PLA2G10: variants seen among roughly 807,000 people sequenced by gnomAD.
PLA2G10 encodes the protein group 10 secretory phospholipase A2.
A neutral mutation model predicts 7.9 loss-of-function variants in PLA2G10; 9 were observed. The observed-to-expected ratio is 1.14, with a 90% confidence interval of 0.68 to 1.98. The LOEUF (loss-of-function observed/expected upper bound fraction) is 1.98. PLA2G10 is among the 30% of genes most tolerant of loss of function. The pLI, the probability that PLA2G10 is intolerant of heterozygous loss-of-function variation, is 0.00. For missense variants in PLA2G10, 53 were observed against 65.4 expected, an observed-to-expected ratio of 0.81 and a Z score of 0.66; for synonymous variants, 19 against 27.5, an observed-to-expected ratio of 0.69 and a Z score of 0.97.
At chr16:14,677,714 C>CATGGATGG (rs533254370) in intron 3 of PLA2G10, among the ~76,000 whole-genome samples, 26 of 151,820 alleles carry the variant, frequency 1.7e-4, no homozygotes, top group Non-Finnish European at 2.6e-4. Context: ...AGGCACTCCC[C>CATGGATGG]ATGGATGGAT....
intron 3 of PLA2G10, among the ~76,000 whole-genome samples, chr16:14,687,875 T>C (rs983333258): frequency 6.6e-6 from 1 of 151,694 alleles, no homozygotes; most frequent in African/African-American, 2.4e-5. Flanking sequence ...GGTGCATGCC[T>C]GTAGTCCCAG....
chr16:14,672,596 A>G lies in PLA2G10; in HGVS notation c.*11T>C, dbSNP rs747354625. 2 of 1,613,374 alleles carry G rather than the reference A, an allele frequency of 1.2e-6. No homozygotes were observed. The highest frequency in any genetic ancestry group is 2.2e-5 in the East Asian group (1 of 44,892). ...TTTCCTTGTGCAAAAGAGCATTTCA[A>G]GTCAAGGTAGTCAGTCACACTTGGG... On this transcript the variant is annotated 3_prime_UTR_variant, in exon 4 of 4. Transcript: ENST00000438167.
chr16:14,685,365 C>T (rs1961023805), intron 3 of PLA2G10, among the ~76,000 whole-genome samples: 1 of 142,032 alleles, frequency 7.0e-6, no homozygotes, highest in East Asian at 2.0e-4. Context: ...GGTGAGATTT[C>T]GTGTCAAAAA....
chr16:14,679,248 C>T (rs1960813563), intron 3 of PLA2G10, among the ~76,000 whole-genome samples: 1 of 151,980 alleles, frequency 6.6e-6, no homozygotes, highest in African/African-American at 2.4e-5. Context: ...CTGTTATCAC[C>T]CCAGGCTGAG....
chr16:14,673,570 A>G (rs1960648519), intron 3 of PLA2G10, among the ~76,000 whole-genome samples: 1 of 150,918 alleles, frequency 6.6e-6, no homozygotes, highest in African/African-American at 2.4e-5. Context: ...GGGTTTTGCC[A>G]TATTGCCAGG....
At chr16:14,683,008 G>A (rs1960935268) in intron 3 of PLA2G10, among the ~76,000 whole-genome samples, 1 of 152,096 alleles carries the variant, frequency 6.6e-6, no homozygotes, top group Non-Finnish European at 1.5e-5. Context: ...GGCAGAGTTT[G>A]CAGTGGGCAG....
chr16:14,679,189 T>C lies in PLA2G10; in HGVS notation c.356-6440A>G, dbSNP rs536777977. On this transcript the variant is annotated intron_variant, in intron 3 of 3. Coordinates refer to ENST00000438167, the MANE Select transcript of PLA2G10 (RefSeq NM_003561.3). Reference sequence around the variant, plus strand: ...TTACCATATTAAAATGTACAGTCAGTAGCATTTAGTACCTTCACAATGCTG... The same window carrying C: ...TTACCATATTAAAATGTACAGTCAGCAGCATTTAGTACCTTCACAATGCTG... Among the ~76,000 whole-genome samples, 107 of 152,310 alleles carry C rather than the reference T, an allele frequency of 7.0e-4. 2 individuals carry two copies. The South Asian group carries it at 0.013, about 18-fold the overall frequency.
chr16:14,685,363 T>C (rs1961023689), intron 3 of PLA2G10, among the ~76,000 whole-genome samples: 2 of 149,624 alleles, frequency 1.3e-5, no homozygotes, highest in Admixed American at 1.3e-4. Context: ...CAGGTGAGAT[T>C]TCGTGTCAAA....
At chr16:14,684,455 C>T (rs566793018) in intron 3 of PLA2G10, among the ~76,000 whole-genome samples, 98 of 151,316 alleles carry the variant, frequency 6.5e-4, no homozygotes, top group African/African-American at 2.3e-3. Context: ...TGCTTGAGGT[C>T]AGGAATTTGA....
chr16:14,676,551 T>A (rs2151849590), intron 3 of PLA2G10, among the ~76,000 whole-genome samples: 1 of 152,276 alleles, frequency 6.6e-6, no homozygotes, highest in African/African-American at 2.4e-5. Flanking sequence ...TGGTGGCGCA[T>A]GCCTGTAGTC....
chr16:14,685,492 A>G (rs1026557352), intron 3 of PLA2G10, among the ~76,000 whole-genome samples: 3 of 152,050 alleles, frequency 2.0e-5, no homozygotes, highest in African/African-American at 7.2e-5. Context: ...AAATCCAGAG[A>G]TAGAAAACTG....
chr16:14,673,567 G>C (rs1279027818), intron 3 of PLA2G10, among the ~76,000 whole-genome samples: 1 of 151,226 alleles, frequency 6.6e-6, no homozygotes, highest in Non-Finnish European at 1.5e-5. Flanking sequence ...ATGGGGTTTT[G>C]CCATATTGCC....
chr16:14,673,351 C>G (rs1177068791), intron 3 of PLA2G10, among the ~76,000 whole-genome samples: 1 of 150,894 alleles, frequency 6.6e-6, no homozygotes, highest in South Asian at 2.1e-4. Context: ...TTTGGGGATT[C>G]CTTTATTTAA....
chr16:14,676,030 C>T (rs182149190), intron 3 of PLA2G10, among the ~76,000 whole-genome samples: 289 of 151,804 alleles, frequency 1.9e-3, no homozygotes, highest in Middle Eastern at 3.4e-3. Context: ...TAACATAACT[C>T]GTCATCGGGG....
intron 3 of PLA2G10, chr16:14,678,668 G>A (rs1380989541): frequency 5.3e-6 from 2 of 379,180 alleles, no homozygotes; most frequent in Non-Finnish European, 1.1e-5. Context: ...TACTCAGGAG[G>A]CTGAGGTGCG....
chr16:14,677,300 C>G (rs1341598235), intron 3 of PLA2G10, among the ~76,000 whole-genome samples: 2 of 152,126 alleles, frequency 1.3e-5, no homozygotes, highest in Non-Finnish European at 1.5e-5. Flanking sequence ...ACAAAATGTA[C>G]CATTTCAAAG....
intron 3 of PLA2G10, chr16:14,678,779 A>G: frequency 2.6e-6 from 1 of 383,016 alleles, no homozygotes. Context: ...AAAAAAAAAA[A>G]TGCAAATCAG....
chr16:14,683,832 T>G (rs559098638), intron 3 of PLA2G10, among the ~76,000 whole-genome samples: 104 of 152,256 alleles, frequency 6.8e-4, no homozygotes, highest in Non-Finnish European at 1.2e-3. Flanking sequence ...TTCATCAAAC[T>G]TAAACAGTTT....
chr16:14,680,978 A>C (rs1295294969), intron 3 of PLA2G10, among the ~76,000 whole-genome samples: 1 of 152,000 alleles, frequency 6.6e-6, no homozygotes, highest in East Asian at 1.9e-4. Flanking sequence ...CCTGGCCAAC[A>C]TGATGAAACC....
Sources: gnomAD v4.1 joint callset for allele counts (sites outside exome capture counted in the v4.1 genomes callset) on GRCh38, gnomAD v4.1.1 for gene constraint, MANE v1.5 for transcripts, NCBI Gene and HGNC (gene_info 2026-07-23, HGNC 2026-07-21) for gene names.